PPM1E: variants seen among roughly 807,000 people sequenced by gnomAD.
The protein encoded by PPM1E is protein phosphatase 1E.
A neutral mutation model predicts 65.9 loss-of-function variants in PPM1E; 20 were observed. The observed-to-expected ratio is 0.30, with a 90% confidence interval of 0.21 to 0.44. PPM1E has a LOEUF of 0.44. Ranked by LOEUF, PPM1E falls within the 20% of genes least tolerant of loss-of-function variation. PPM1E has a pLI of 1.00. For synonymous variants in PPM1E, 352 were observed against 374.9 expected (o/e 0.94, Z 0.70); for missense variants, 713 against 953.1 (o/e 0.75, Z 3.32).
chr17:58,756,914 CTTG>C (rs767467966), intron 1 of PPM1E, among the ~76,000 whole-genome samples: 17 of 152,182 alleles, frequency 1.1e-4, no homozygotes, highest in Non-Finnish European at 2.1e-4. Context: ...GGCTGAGTGC[CTTG>C]TTGTTTGGCG....
intron 1 of PPM1E, among the ~76,000 whole-genome samples, chr17:58,769,667 C>G (rs535296274): frequency 6.6e-6 from 1 of 152,128 alleles, no homozygotes; most frequent in East Asian, 1.9e-4. Context: ...AGTTTGCAAT[C>G]TGTATTAATG....
At chr17:58,761,497 C>T (rs1295512269) in intron 1 of PPM1E, among the ~76,000 whole-genome samples, 1 of 152,200 alleles carries the variant, frequency 6.6e-6, no homozygotes, top group African/African-American at 2.4e-5. Flanking sequence ...CAGCTCTACC[C>T]CTCCAGAAAC....
At chr17:58,877,507 T>C (rs538199615) in intron 1 of PPM1E, among the ~76,000 whole-genome samples, 7 of 152,200 alleles carry the variant, frequency 4.6e-5, no homozygotes, top group Non-Finnish European at 1.0e-4. Flanking sequence ...CAAATTATAT[T>C]CTAAAAGTTT....
chr17:58,845,901 G>C (rs1030892119), intron 1 of PPM1E, among the ~76,000 whole-genome samples: 2 of 152,110 alleles, frequency 1.3e-5, no homozygotes, highest in Admixed American at 1.3e-4. Context: ...GCCTGGTCTC[G>C]AACTCCTGAC....
intron 1 of PPM1E, among the ~76,000 whole-genome samples, chr17:58,883,512 C>G (rs2051228421): frequency 8.0e-6 from 1 of 124,336 alleles, no homozygotes; most frequent in Non-Finnish European, 1.6e-5. Flanking sequence ...GAGACGGAGT[C>G]TCGCTCTGTC....
intron 6 of PPM1E, among the ~76,000 whole-genome samples, chr17:58,977,927 G>T (rs2031117531): frequency 6.6e-6 from 1 of 152,110 alleles, no homozygotes; most frequent in African/African-American, 2.4e-5. Flanking sequence ...ATTTTTAGTA[G>T]AGACAAGGTT....
intron 1 of PPM1E, among the ~76,000 whole-genome samples, chr17:58,806,659 A>G (rs1858390271): frequency 6.6e-6 from 1 of 151,428 alleles, no homozygotes; most frequent in South Asian, 2.1e-4. Flanking sequence ...CTGCCACAGG[A>G]TCACAGGATA....
chr17:58,966,112 T>A (rs1227691177), intron 3 of PPM1E: 2 of 579,660 alleles, frequency 3.5e-6, no homozygotes, highest in African/African-American at 3.7e-5. Context: ...ATTGGGAAAA[T>A]AAAAATGTCT....
At chr17:58,787,955 CAG>C (rs1214904668) in intron 1 of PPM1E, among the ~76,000 whole-genome samples, 5 of 150,792 alleles carry the variant, frequency 3.3e-5, no homozygotes, top group Non-Finnish European at 1.5e-5. Context: ...TGGCCGTGTT[CAG>C]AGTTTTCTTT....
chr17:58,980,480 A>G lies in PPM1E; in HGVS notation c.1717A>G (p.Thr573Ala), dbSNP rs2031290290. The change falls in exon 7 of 7, where the codon ACA (threonine) becomes GCA (alanine). Residue 573 changes from threonine (T) to alanine (A), a missense_variant. Physicochemically the swap from Thr to Ala is moderately conservative, Grantham distance 58. Around this residue, in one of 6 missense-constraint regions of PPM1E, gnomAD observed 286 missense variants for 313.8 expected, o/e 0.91. Coordinates refer to ENST00000308249, the MANE Select transcript of PPM1E (RefSeq NM_014906.5). This position sits in a 1 kb window ranked among gnomAD's most constrained non-coding sequence, Gnocchi z 4.7. ...VLEDPGYLDL[T>A]QIEASKPHSA... ...GGAAGACCCAGGCTACCTAGATCTC[A>G]CACAAATAGAAGCAAGCAAACCTCA... The G allele has an allele frequency of 6.2e-7, 1 of 1,614,118 alleles. No homozygotes were observed. Among genetic ancestry groups the G allele is most frequent in the Non-Finnish European group, 8.5e-7 (1 of 1,179,964 alleles).
At chr17:58,939,213 A>C (rs2052030402) in intron 1 of PPM1E, among the ~76,000 whole-genome samples, 1 of 152,222 alleles carries the variant, frequency 6.6e-6, no homozygotes, top group Admixed American at 6.5e-5. Context: ...TGACCTATTG[A>C]AGGTTATTAG....
At chr17:58,816,550 C>A (rs1603161) in intron 1 of PPM1E, among the ~76,000 whole-genome samples, 1 of 150,980 alleles carries the variant, frequency 6.6e-6, no homozygotes, top group East Asian at 1.9e-4. Context: ...CTTTCCATTT[C>A]TTCCTTCCCC....
intron 1 of PPM1E, among the ~76,000 whole-genome samples, chr17:58,798,550 G>A (rs891790215): frequency 3.9e-5 from 5 of 128,192 alleles, no homozygotes; most frequent in East Asian, 4.4e-4. Flanking sequence ...TTTTTTTTAC[G>A]CAATAGTGTC....
At chr17:58,810,605 C>CA (rs1011283525) in intron 1 of PPM1E, among the ~76,000 whole-genome samples, 4 of 152,192 alleles carry the variant, frequency 2.6e-5, no homozygotes, top group African/African-American at 9.7e-5. Flanking sequence ...TCAGCCTAAT[C>CA]ATTCAGTACC....
intron 1 of PPM1E, among the ~76,000 whole-genome samples, chr17:58,757,007 G>A (rs1032555771): frequency 6.6e-6 from 1 of 152,160 alleles, no homozygotes; most frequent in Non-Finnish European, 1.5e-5. Flanking sequence ...TACCGGCCCC[G>A]TATCCAGATG....
intron 1 of PPM1E, among the ~76,000 whole-genome samples, chr17:58,802,860 C>A (rs2050271567): frequency 6.6e-6 from 1 of 151,854 alleles, no homozygotes; most frequent in Admixed American, 6.6e-5. Context: ...AGTAATGCAA[C>A]TGATTTTTGT....
rs557599770 is a variant in PPM1E, at chr17:58,852,180, C to T, written c.464+95719C>T. Among the ~76,000 whole-genome samples, 8 of 152,262 alleles carry T rather than the reference C, an allele frequency of 5.3e-5. No individual in the cohort carries two copies. In the East Asian group the frequency reaches 5.8e-4, roughly 11 times the overall value. ...CTGATTTTCCAGGTACCATCTGTCA[C>T]GGCTTCCCTTTGCTAGGAAAGGGAA... On this transcript the variant is annotated intron_variant, in intron 1 of 6. Coordinates refer to ENST00000308249, the MANE Select transcript of PPM1E (RefSeq NM_014906.5).
At chr17:58,937,259 G>C (rs2051994366) in intron 1 of PPM1E, among the ~76,000 whole-genome samples, 1 of 147,746 alleles carries the variant, frequency 6.8e-6, no homozygotes, top group Non-Finnish European at 1.5e-5. Context: ...ATGTAGGCCT[G>C]TCTCTTTTTT....
intron 3 of PPM1E, 113 bp downstream of exon 3, chr17:58,966,006 T>G (rs2286299): frequency 0.39 from 445,994 of 1,152,766 alleles, 87,713 homozygotes; most frequent in Middle Eastern, 0.47. Flanking sequence ...CTCTGGTAGA[T>G]TAGAGTAGGG....
Sources: gnomAD v4.1 joint callset for allele counts (sites outside exome capture counted in the v4.1 genomes callset) on GRCh38, gnomAD v4.1.1 for gene constraint, gnomAD v4.1.1 regional missense constraint, Gnocchi (gnomAD v3.1) non-coding constraint, MANE v1.5 for transcripts, NCBI Gene and HGNC (gene_info 2026-07-23, HGNC 2026-07-21) for gene names.